Variants in FGD4 observed in about 807,000 individuals in gnomAD.
FGD4 encodes FYVE, RhoGEF and PH domain containing 4.
Under a neutral mutation model 102.0 loss-of-function variants are expected in FGD4, and 42 were observed. The ratio of observed to expected loss-of-function variants is 0.41; its 90% CI spans 0.32 to 0.53. The LOEUF (loss-of-function observed/expected upper bound fraction) is 0.53, where lower values mean the gene tolerates loss of function less well. Among genes scored for constraint, FGD4 ranks in the 20% least tolerant of loss-of-function variants. The probability of loss-of-function intolerance (pLI) is 0.21; values close to 1 mark genes in which losing one functional copy is unlikely to be tolerated. For missense variants in FGD4, 902 were observed against 1,078.2 expected, an observed-to-expected ratio of 0.84 and a Z score of 2.29; for synonymous variants, 380 against 375.7, an observed-to-expected ratio of 1.01 and a Z score of -0.13.
chr12:32,569,329 C>T (rs1214222905), intron 2 of FGD4, among the ~76,000 whole-genome samples: 1 of 152,184 alleles, frequency 6.6e-6, no homozygotes, highest in African/African-American at 2.4e-5. Flanking sequence ...CAGCCCAGAA[C>T]CCTGCAGGGA....
chr12:32,404,378 G>C (rs1425538142), intron 1 of FGD4, among the ~76,000 whole-genome samples: 1 of 151,746 alleles, frequency 6.6e-6, no homozygotes, highest in Non-Finnish European at 1.5e-5. Flanking sequence ...AGAAATTTTG[G>C]TGAAAGCAAT....
intron 1 of FGD4, among the ~76,000 whole-genome samples, chr12:32,560,761 T>C (rs1944473552): frequency 6.6e-6 from 1 of 151,266 alleles, no homozygotes; most frequent in Non-Finnish European, 1.5e-5. Context: ...GGTGTGATTA[T>C]AGCTCACTGC....
At chr12:32,617,338 C>A (rs1565911448) in intron 10 of FGD4, among the ~76,000 whole-genome samples, 1 of 152,144 alleles carries the variant, frequency 6.6e-6, no homozygotes, top group African/African-American at 2.4e-5. Flanking sequence ...GATAATTTTT[C>A]CCTTATTTAA....
chr12:32,451,294 G>A (rs1051448472), intron 1 of FGD4, among the ~76,000 whole-genome samples: 4 of 152,126 alleles, frequency 2.6e-5, no homozygotes, highest in African/African-American at 7.2e-5. Context: ...CTCGTGATAT[G>A]TTACATAAAT....
At chr12:32,524,192 C>G (rs894340575) in intron 1 of FGD4, among the ~76,000 whole-genome samples, 1 of 150,760 alleles carries the variant, frequency 6.6e-6, no homozygotes, top group African/African-American at 2.4e-5. Context: ...GTCAGGAGAT[C>G]GAGACCATCC....
rs777491788 is a variant in FGD4, at chr12:32,610,767, C to T, written c.1544-9C>T. 3.1e-6 allele frequency: 5 copies of T among 1,610,094 alleles called. No homozygotes were observed. In the South Asian group the frequency reaches 5.5e-5, roughly 18 times the overall value. ...CATATTTATTTACTTTTCTTTTTTTCCCATTTAGAATCACTTGAAATTATA... is the reference window on the plus strand; with the variant it reads ...CATATTTATTTACTTTTCTTTTTTTTCCATTTAGAATCACTTGAAATTATA... On this transcript the variant is annotated splice_polypyrimidine_tract_variant and intron_variant, in intron 8 of 16. Coordinates refer to ENST00000534526, the MANE Select transcript of FGD4 (RefSeq NM_001370298.3).
chr12:32,410,931 CTTTTTTTTTTTT>C (rs747780109), intron 1 of FGD4, among the ~76,000 whole-genome samples: 1 of 126,910 alleles, frequency 7.9e-6, no homozygotes, highest in Non-Finnish European at 1.7e-5. Flanking sequence ...TTTTTTTTTT[CTTTTTTTTTTTT>C]TTTTTGAGAT....
At chr12:32,559,910 C>CTT (rs1944402200) in intron 1 of FGD4, among the ~76,000 whole-genome samples, 1 of 152,158 alleles carries the variant, frequency 6.6e-6, no homozygotes, top group Non-Finnish European at 1.5e-5. Context: ...ATTGTTGCTG[C>CTT]TTTCTCTTAT....
chr12:32,467,640 T>G (rs1454464745), intron 1 of FGD4, among the ~76,000 whole-genome samples: 1 of 152,220 alleles, frequency 6.6e-6, no homozygotes, highest in Non-Finnish European at 1.5e-5. Context: ...TATACATAGG[T>G]GCTTAATATA....
chr12:32,538,570 A>C (rs1942513714), intron 1 of FGD4, among the ~76,000 whole-genome samples: 2 of 152,288 alleles, frequency 1.3e-5, no homozygotes, highest in South Asian at 4.1e-4. Context: ...TGAAGAAAGT[A>C]TGGAGGGGTT....
At chr12:32,433,979 C>T (rs1254672839) in intron 1 of FGD4, among the ~76,000 whole-genome samples, 10 of 152,036 alleles carry the variant, frequency 6.6e-5, no homozygotes, top group African/African-American at 2.2e-4. Context: ...CCTCAGCCTC[C>T]CGAGTAGCTA....
intron 1 of FGD4, among the ~76,000 whole-genome samples, chr12:32,497,267 G>C (rs1937878614): frequency 6.6e-6 from 1 of 151,978 alleles, no homozygotes; most frequent in Admixed American, 6.6e-5. Flanking sequence ...GGGCAGAAAA[G>C]TTCAATTTAT....
intron 4 of FGD4, among the ~76,000 whole-genome samples, chr12:32,592,115 C>CTCTT (rs1195868856): frequency 6.6e-6 from 1 of 152,006 alleles, no homozygotes; most frequent in East Asian, 1.9e-4. Context: ...CAGAGTCTCA[C>CTCTT]TCTTTCGCCC....
At chr12:32,577,559 C>A (rs1302894953) in intron 3 of FGD4, among the ~76,000 whole-genome samples, 3 of 152,124 alleles carry the variant, frequency 2.0e-5, no homozygotes, top group Non-Finnish European at 4.4e-5. Flanking sequence ...AACTCAGAGG[C>A]CCCGTCTATT....
At chr12:32,607,198 T>C (rs1338665497) in intron 7 of FGD4, among the ~76,000 whole-genome samples, 2 of 152,130 alleles carry the variant, frequency 1.3e-5, no homozygotes, top group African/African-American at 4.8e-5. Context: ...TTCTGCTTGA[T>C]TTTTTTTCCT....
At chr12:32,411,911 G>A (rs1403287524) in intron 1 of FGD4, among the ~76,000 whole-genome samples, 1 of 152,074 alleles carries the variant, frequency 6.6e-6, no homozygotes, top group Non-Finnish European at 1.5e-5. Flanking sequence ...GGAGGTGGAG[G>A]TTGCAGTGAA....
chr12:32,442,561 C>CTTTT (rs35994170), intron 1 of FGD4, among the ~76,000 whole-genome samples: 9 of 107,106 alleles, frequency 8.4e-5, no homozygotes, highest in East Asian at 2.7e-4. Context: ...ATCTTTCATC[C>CTTTT]TTTTTTTTTT....
intron 3 of FGD4, among the ~76,000 whole-genome samples, chr12:32,580,886 CAAAA>C (rs533419575): frequency 1.4e-5 from 1 of 72,128 alleles, no homozygotes; most frequent in Non-Finnish European, 3.0e-5. Context: ...GACTCCGTCT[CAAAA>C]AAAAAAAAAA....
intron 1 of FGD4, among the ~76,000 whole-genome samples, chr12:32,411,803 T>C (rs1033725265): frequency 2.0e-5 from 3 of 152,144 alleles, no homozygotes; most frequent in Non-Finnish European, 2.9e-5. Context: ...GGTGAAATCC[T>C]GTCTTTACTA....
Sources: gnomAD v4.1 joint callset for allele counts (sites outside exome capture counted in the v4.1 genomes callset) on GRCh38, gnomAD v4.1.1 for gene constraint, MANE v1.5 for transcripts, NCBI Gene and HGNC (gene_info 2026-07-23, HGNC 2026-07-21) for gene names.